Variants in SMIM14 observed in about 807,000 individuals in gnomAD.
The protein encoded by SMIM14 is small integral membrane protein 14.
In SMIM14, 5 loss-of-function variants were observed where a neutral mutation model predicts 12.6. The observed-to-expected ratio is 0.40, with a 90% confidence interval of 0.21 to 0.83. The LOEUF (loss-of-function observed/expected upper bound fraction) is 0.83, where lower values mean the gene tolerates loss of function less well. Ranked by LOEUF, SMIM14 falls within the 40% of genes least tolerant of loss-of-function variation. The pLI, the probability that SMIM14 is intolerant of heterozygous loss-of-function variation, is 0.37. For synonymous variants in SMIM14, 30 were observed against 40.1 expected (o/e 0.75, Z 0.95); for missense variants, 86 against 119.1 (o/e 0.72, Z 1.29).
chr4:39,564,735 G>A (rs1712487628), intron 3 of SMIM14, among the ~76,000 whole-genome samples: 1 of 152,168 alleles, frequency 6.6e-6, no homozygotes, highest in African/African-American at 2.4e-5. Flanking sequence ...CACTAAGAAG[G>A]CACTCTGGAG....
chr4:39,597,578 G>A (rs1714423759), intron 2 of SMIM14, among the ~76,000 whole-genome samples: 1 of 151,426 alleles, frequency 6.6e-6, no homozygotes, highest in African/African-American at 2.4e-5. Context: ...CGAGTAGCTG[G>A]GATTACAGGC....
At chr4:39,595,621 T>G (rs1005574282) in intron 2 of SMIM14, among the ~76,000 whole-genome samples, 1 of 151,590 alleles carries the variant, frequency 6.6e-6, no homozygotes, top group African/African-American at 2.4e-5. Flanking sequence ...TTTTTTTTTT[T>G]TTTTTGAGAC....
chr4:39,633,152 G>A (rs574356463), intron 1 of SMIM14, among the ~76,000 whole-genome samples: 1 of 151,742 alleles, frequency 6.6e-6, no homozygotes, highest in Non-Finnish European at 1.5e-5. Flanking sequence ...AAATTAGCTG[G>A]GCATGGTGGC....
intron 1 of SMIM14, among the ~76,000 whole-genome samples, chr4:39,625,642 T>C (rs1276791052): frequency 6.6e-6 from 1 of 152,144 alleles, no homozygotes; most frequent in Admixed American, 6.6e-5. Flanking sequence ...GGTTTCACCA[T>C]GTTGGTCAGG....
intron 3 of SMIM14, among the ~76,000 whole-genome samples, chr4:39,565,113 G>A (rs559899563): frequency 6.6e-6 from 1 of 152,168 alleles, no homozygotes; most frequent in African/African-American, 2.4e-5. Flanking sequence ...AGCTAATCAG[G>A]AGGCTGAGGT....
intron 2 of SMIM14, among the ~76,000 whole-genome samples, chr4:39,580,342 G>A (rs968124511): frequency 1.3e-5 from 2 of 151,744 alleles, no homozygotes; most frequent in African/African-American, 4.8e-5. Context: ...ACCAACACCC[G>A]GTTTTTAAAT....
intron 2 of SMIM14, among the ~76,000 whole-genome samples, chr4:39,592,411 T>C (rs1389878999): frequency 6.6e-6 from 1 of 152,092 alleles, no homozygotes; most frequent in Non-Finnish European, 1.5e-5. Flanking sequence ...ATAGTCTTTG[T>C]ACTAAAACTT....
At chr4:39,554,654 C>CTTTTTTTTTTTTTTTTTTTTTTTTTCT (rs111326390) in intron 4 of SMIM14, among the ~76,000 whole-genome samples, 1 of 95,192 alleles carries the variant, frequency 1.1e-5, no homozygotes, top group Non-Finnish European at 2.0e-5. Flanking sequence ...GGAAATTTTC[C>CTTTTTTTTTTTTTTTTTTTTTTTTTCT]TTTTTTTTTT....
intron 1 of SMIM14, among the ~76,000 whole-genome samples, chr4:39,632,289 G>A (rs984156379): frequency 4.6e-5 from 7 of 151,890 alleles, no homozygotes; most frequent in Non-Finnish European, 4.4e-5. Flanking sequence ...AGACCATCCT[G>A]GTCAACATGG....
chr4:39,616,426 C>A (rs143199015), intron 1 of SMIM14, among the ~76,000 whole-genome samples: 1 of 152,068 alleles, frequency 6.6e-6, no homozygotes, highest in Non-Finnish European at 1.5e-5. Context: ...TGAGCCACCG[C>A]GCCTGGCCAC....
Position 39,556,531 on chromosome 4 carries a change from A to G in SMIM14, c.164T>C (p.Met55Thr). ...PSGDNGISVT[M>T]ILVAWMVIAL... is the part of the protein sequence containing the mutation. ...AATAACCATCCAGGCTACCAAGATCATTGTAACACTGATGCCATTATCACC... is the reference window on the plus strand; with the variant it reads ...AATAACCATCCAGGCTACCAAGATCGTTGTAACACTGATGCCATTATCACC... Residue 55 changes from methionine to threonine, a missense_variant, in exon 4 of 5, where the codon ATG becomes ACG. By Grantham distance (81) the Met-to-Thr change is moderately conservative. Coordinates refer to ENST00000295958, the MANE Select transcript of SMIM14 (RefSeq NM_174921.3). The G allele has an allele frequency of 6.2e-7, 1 of 1,613,130 alleles. No homozygotes were observed. The highest frequency in any genetic ancestry group is 8.5e-7 in the Non-Finnish European group (1 of 1,179,814).
intron 1 of SMIM14, among the ~76,000 whole-genome samples, chr4:39,630,794 G>A (rs973048037): frequency 3.3e-5 from 5 of 151,360 alleles, no homozygotes; most frequent in African/African-American, 4.9e-5. Flanking sequence ...CCCAGGAGGT[G>A]GAGGTTGCAG....
chr4:39,573,918 A>G (rs941820393), intron 2 of SMIM14, among the ~76,000 whole-genome samples: 1 of 152,208 alleles, frequency 6.6e-6, no homozygotes, highest in Non-Finnish European at 1.5e-5. Flanking sequence ...TTTTAAAAAG[A>G]AAGTTAAAAA....
chr4:39,593,041 T>C (rs2110041603), intron 2 of SMIM14: 1 of 151,986 alleles, frequency 6.6e-6, no homozygotes, highest in Non-Finnish European at 1.5e-5. Context: ...GAATCCTCCC[T>C]AACTCATTTT....
At chr4:39,615,857 T>C (rs1446993603) in intron 1 of SMIM14, among the ~76,000 whole-genome samples, 1 of 152,224 alleles carries the variant, frequency 6.6e-6, no homozygotes, top group East Asian at 1.9e-4. Flanking sequence ...ACAAAGCTTG[T>C]ATCCTTAAGA....
In SMIM14 at chr4:39,581,518, C is replaced by CTTTTTCTTT. The variant is rs1713491824; in HGVS notation, c.76-9056_76-9055insAAAGAAAAA. Among the ~76,000 whole-genome samples, 11 of 132,078 alleles carry CTTTTTCTTT rather than the reference C, an allele frequency of 8.3e-5. No homozygotes were observed. The East Asian group carries it at 1.9e-3, about 22-fold the overall frequency. 86.6% of individuals were successfully genotyped at this position (132,078 alleles called of 152,430 possible). A position where few individuals can be genotyped will look rare whatever the true frequency, so the allele number is the denominator to read the frequency against. On this transcript the variant is annotated intron_variant, in intron 2 of 4. Coordinates refer to ENST00000295958, the MANE Select transcript of SMIM14 (RefSeq NM_174921.3). Reference sequence around the variant, plus strand: ...TTTTCGTTTTTTTCCTTTTCTTTTTCTTTTTTTTTTTTTTTGAGACAGGGT... The same window carrying CTTTTTCTTT: ...TTTTCGTTTTTTTCCTTTTCTTTTTCTTTTTCTTTTTTTTTTTTTTTTTTGAGACAGGGT...
chr4:39,567,148 A>G (rs1396419802), intron 3 of SMIM14, among the ~76,000 whole-genome samples: 1 of 149,128 alleles, frequency 6.7e-6, no homozygotes. Context: ...AAAAAGAAAA[A>G]AAAAAAAAAA....
At chr4:39,575,082 T>G (rs548834601) in intron 2 of SMIM14, among the ~76,000 whole-genome samples, 16 of 147,600 alleles carry the variant, frequency 1.1e-4, no homozygotes, top group Non-Finnish European at 1.4e-4. Flanking sequence ...GAAAATAGTT[T>G]TTTTTTTTTT....
intron 3 of SMIM14, among the ~76,000 whole-genome samples, chr4:39,562,823 T>TTTTTTTTTTTTTTTG (rs1553861780): frequency 2.0e-5 from 3 of 150,070 alleles, no homozygotes; most frequent in African/African-American, 7.5e-5. Context: ...TTTGTATTTT[T>TTTTTTTTTTTTTTTG]AGTAGAGACG....
Sources: gnomAD v4.1 joint callset for allele counts (sites outside exome capture counted in the v4.1 genomes callset) on GRCh38, gnomAD v4.1.1 for gene constraint, MANE v1.5 for transcripts, NCBI Gene and HGNC (gene_info 2026-07-23, HGNC 2026-07-21) for gene names.